Variants in BMP1 observed in about 807,000 individuals in gnomAD.
BMP1 encodes bone morphogenetic protein 1, also known as mammalian tolloid protein.
In BMP1, 63 loss-of-function variants were observed where a neutral mutation model predicts 116.8. The observed-to-expected ratio is 0.54, with a 90% CI of 0.44 to 0.67. The LOEUF is 0.67. Among genes scored for constraint, BMP1 ranks in the 30% least tolerant of loss-of-function variants. The probability of loss-of-function intolerance (pLI) is 0.00; values close to 1 mark genes in which losing one functional copy is unlikely to be tolerated. For missense variants in BMP1, 1,183 were observed against 1,358.9 expected, an observed-to-expected ratio of 0.87 and a Z score of 2.04; for synonymous variants, 536 against 533.4, an observed-to-expected ratio of 1.00 and a Z score of -0.07.
chr8:22,183,359 T>C (rs1828677359), intron 8 of BMP1, among the ~76,000 whole-genome samples: 1 of 152,178 alleles, frequency 6.6e-6, no homozygotes, highest in Admixed American at 6.5e-5. Context: ...AAGGTTGCAG[T>C]AAGCTATGAT....
Position 22,211,627 on chromosome 8 carries a change from G to T in BMP1, c.2860G>T (p.Val954Phe). 6.2e-7 allele frequency: 1 copy of T among 1,614,162 alleles called. No individual in the cohort carries two copies. The highest frequency in any genetic ancestry group is 8.5e-7 in the Non-Finnish European group (1 of 1,180,024). ...GGAGGTGTACTCGGCGGGAGATTCT[G>T]TCCTGGTGAAGTTCCACTCGGATGA... ...PEEVYSAGDS[V>F]LVKFHSDDTI... The change falls in exon 20 of 20, where the codon GTC becomes TTC. Residue 954 changes from valine to phenylalanine, a missense_variant. Val to Phe is a conservative substitution (Grantham distance 50). Around this residue, in one of 4 missense-constraint regions of BMP1, gnomAD observed 956 missense variants for 1,135.2 expected, o/e 0.84. Coordinates refer to ENST00000306385, the MANE Select transcript of BMP1 (RefSeq NM_006129.5).
rs12674752 is a variant in BMP1 at position 22,196,999 on chromosome 8, C to A, written c.1926+159C>A. Among the ~76,000 whole-genome samples, 11,123 of 152,204 alleles carry A rather than the reference C, an allele frequency of 0.073. 514 individuals carry two copies. The highest frequency in any genetic ancestry group is 0.096 in the Non-Finnish European group (6,525 of 67,996). ...AGCTCACGAAGCACAGGAGGCCCAG[C>A]AGGGAGGGCCCCAAAGGGGGCGGGG... On this transcript the variant is annotated intron_variant, in intron 14 of 19. Transcript: ENST00000306385.
chr8:22,173,050 A>G (rs1828326474), intron 1 of BMP1, among the ~76,000 whole-genome samples: 1 of 152,094 alleles, frequency 6.6e-6, no homozygotes. Flanking sequence ...GTCAGTATTT[A>G]TTTACTTGCA....
intron 1 of BMP1, among the ~76,000 whole-genome samples, chr8:22,172,607 CTTTTTTTT>C (rs368585884): frequency 1.8e-4 from 18 of 97,332 alleles, no homozygotes; most frequent in African/African-American, 5.0e-4. Context: ...TTTATTTCCT[CTTTTTTTT>C]TTTTTTTTTT....
rs748142688 is a variant in BMP1, at chr8:22,194,961, G to T, written c.1639+42G>T. The T allele has an allele frequency of 6.5e-7, 1 of 1,546,858 alleles. No individual in the cohort carries two copies. The highest frequency in any genetic ancestry group is 8.8e-7 in the Non-Finnish European group (1 of 1,142,182). Reference sequence around the variant, plus strand: ...TCTCCCCTGCCCCAAGGTGCCTCGTGACCTTCATCCCTTCTTCACTCACTC... The same window carrying T: ...TCTCCCCTGCCCCAAGGTGCCTCGTTACCTTCATCCCTTCTTCACTCACTC... On this transcript the variant is annotated intron_variant, in intron 12 of 19. Transcript: ENST00000306385. This position sits in a 1 kb window ranked among gnomAD's most constrained non-coding sequence, Gnocchi z 4.5.
rs763277589 is a variant in BMP1 at position 22,207,528 on chromosome 8, G to A, written c.2575+12G>A. On this transcript the variant is annotated intron_variant, in intron 18 of 19. Transcript: ENST00000306385. ...CTCCCACGCCACAGGTACTGTCCCC[G>A]GTTGTGGGAGTGTTCACTGAGCCTG... 17 of 1,610,298 alleles carry A rather than the reference G, an allele frequency of 1.1e-5. No homozygotes were observed. Among genetic ancestry groups the A allele is most frequent in the Admixed American group, 1.0e-4 (6 of 59,980 alleles).
chr8:22,172,012 T>A (rs1828291602), intron 1 of BMP1, among the ~76,000 whole-genome samples: 1 of 152,220 alleles, frequency 6.6e-6, no homozygotes, highest in Non-Finnish European at 1.5e-5. Flanking sequence ...CGCCACCATA[T>A]GTCTGTAGGA....
intron 8 of BMP1, among the ~76,000 whole-genome samples, chr8:22,189,558 C>A (rs904880797): frequency 2.0e-5 from 3 of 151,866 alleles, no homozygotes; most frequent in Non-Finnish European, 4.4e-5. Context: ...CCTCAGCCTC[C>A]TAGGCTCTGG....
chr8:22,207,557 T>C, intron 18 of BMP1, 41 bp downstream of exon 18: 1 of 1,602,024 alleles, frequency 6.2e-7, no homozygotes, highest in Non-Finnish European at 8.5e-7. Context: ...GAGCCTGGTC[T>C]CCAAGACTGG....
intron 8 of BMP1, among the ~76,000 whole-genome samples, chr8:22,190,386 G>A (rs1181953130): frequency 6.6e-6 from 1 of 152,250 alleles, no homozygotes; most frequent in African/African-American, 2.4e-5. Context: ...TAAGGAGAGA[G>A]AGTAGATGGG....
chr8:22,209,416 G>A, intron 18 of BMP1, 29 bp from the exon 19 acceptor site: 1 of 1,611,110 alleles, frequency 6.2e-7, no homozygotes, highest in African/African-American at 1.3e-5. Context: ...CGGTGCTCAG[G>A]GCTGGTTGGC....
intron 19 of BMP1, among the ~76,000 whole-genome samples, chr8:22,209,981 G>A (rs547833150): frequency 2.7e-4 from 41 of 152,396 alleles, no homozygotes; most frequent in African/African-American, 9.9e-4. Context: ...ACGGCCTGGA[G>A]CGGATGGAGC....
intron 19 of BMP1, among the ~76,000 whole-genome samples, chr8:22,210,466 T>TCACACACACACACACA (rs1224107610): frequency 1.1e-4 from 11 of 101,154 alleles, no homozygotes; most frequent in East Asian, 8.3e-4. Context: ...TCTCTCTCTC[T>TCACACACACACACACA]CTCACACACA....
intron 16 of BMP1, among the ~76,000 whole-genome samples, chr8:22,206,406 G>T (rs909757911): frequency 1.3e-5 from 2 of 151,900 alleles, no homozygotes; most frequent in Non-Finnish European, 2.9e-5. Flanking sequence ...GGAGGCTAAG[G>T]CAGGAGAATC....
intron 1 of BMP1, among the ~76,000 whole-genome samples, chr8:22,172,789 G>GT (rs1379690541): frequency 6.6e-6 from 1 of 151,242 alleles, no homozygotes; most frequent in African/African-American, 2.4e-5. Flanking sequence ...GCTAATTTTT[G>GT]TATTTTTTAT....
At chr8:22,183,931 G>T (rs1013801469) in intron 8 of BMP1, among the ~76,000 whole-genome samples, 1 of 152,154 alleles carries the variant, frequency 6.6e-6, no homozygotes, top group Non-Finnish European at 1.5e-5. Context: ...AACACTATGG[G>T]CCAGATGCTA....
intron 5 of BMP1, 35 bp downstream of exon 5, chr8:22,177,174 C>T: frequency 6.5e-7 from 1 of 1,539,398 alleles, no homozygotes; most frequent in Non-Finnish European, 8.8e-7. Context: ...CCTTGGTGGG[C>T]GGCTCCCGCC....
chr8:22,189,820 C>A (rs560636299), intron 8 of BMP1, among the ~76,000 whole-genome samples: 1 of 152,304 alleles, frequency 6.6e-6, no homozygotes, highest in African/African-American at 2.4e-5. Context: ...AATGGACTTG[C>A]ATCTTCAGAG....
intron 8 of BMP1, among the ~76,000 whole-genome samples, chr8:22,182,600 C>A (rs1828655125): frequency 6.6e-6 from 1 of 152,168 alleles, no homozygotes; most frequent in Non-Finnish European, 1.5e-5. Context: ...TGACAAAACC[C>A]CTTTTAAAAG....
Sources: gnomAD v4.1 joint callset for allele counts (sites outside exome capture counted in the v4.1 genomes callset) on GRCh38, gnomAD v4.1.1 for gene constraint, gnomAD v4.1.1 regional missense constraint, Gnocchi (gnomAD v3.1) non-coding constraint, MANE v1.5 for transcripts, NCBI Gene and HGNC (gene_info 2026-07-23, HGNC 2026-07-21) for gene names.